Variants in SLC17A9 observed in about 807,000 individuals in gnomAD.
SLC17A9 encodes voltage-gated purine nucleotide uniporter SLC17A9.
Under a neutral mutation model 55.0 loss-of-function variants are expected in SLC17A9, and 49 were observed. The ratio of observed to expected loss-of-function variants is 0.89; its 90% CI spans 0.71 to 1.13. SLC17A9 has a LOEUF of 1.13. Ranked by LOEUF, SLC17A9 falls within the 50% of genes most tolerant of loss-of-function variation. The pLI, the probability that SLC17A9 is intolerant of heterozygous loss-of-function variation, is 0.00. For synonymous variants in SLC17A9, 256 were observed against 247.4 expected, an observed-to-expected ratio of 1.03 and a Z score of -0.32; for missense variants, 526 against 569.3, an observed-to-expected ratio of 0.92 and a Z score of 0.77.
rs1436379008 is a variant in SLC17A9, at chr20:62,969,018, A to C, written c.*1518A>C. The C allele has an allele frequency of 6.6e-6, 1 of 152,170 alleles. No homozygotes were observed. The highest frequency in any genetic ancestry group is 2.4e-5 in the African/African-American group (1 of 41,422). 9.4% of individuals were successfully genotyped at this position (152,170 alleles called of 1,614,324 possible). On this transcript the variant is annotated 3_prime_UTR_variant, in exon 13 of 13. Coordinates refer to ENST00000370351, the MANE Select transcript of SLC17A9 (RefSeq NM_022082.4). Reference sequence around the variant, plus strand: ...GGGTACAGCCTAGAGCATCACCCCCACAGAGGCTTCGGGACGGTCCTGCTG... The same window carrying C: ...GGGTACAGCCTAGAGCATCACCCCCCCAGAGGCTTCGGGACGGTCCTGCTG...
At chr20:62,961,400 G>A (rs1038488576) in intron 4 of SLC17A9, among the ~76,000 whole-genome samples, 6 of 150,528 alleles carry the variant, frequency 4.0e-5, no homozygotes, top group African/African-American at 1.5e-4. Context: ...TCCACGATGC[G>A]GCAACCCCGT....
At chr20:62,966,853 A>G in intron 12 of SLC17A9, 121 bp downstream of exon 12, 1 of 1,285,730 alleles carries the variant, frequency 7.8e-7, no homozygotes. Context: ...AGGAGGGCAC[A>G]GACCCCAGAG....
chr20:62,956,409 G>A (rs2065537190), intron 1 of SLC17A9, among the ~76,000 whole-genome samples: 1 of 152,068 alleles, frequency 6.6e-6, no homozygotes, highest in Non-Finnish European at 1.5e-5. Context: ...TCCAGTGTCC[G>A]ACTCCTCTGC....
At chr20:62,966,920 G>A (rs1056615475) in intron 12 of SLC17A9, 188 bp downstream of exon 12, 3 of 686,680 alleles carry the variant, frequency 4.4e-6, no homozygotes, top group Non-Finnish European at 7.0e-6. Context: ...CTTTGCTGAC[G>A]GCAGGTGGCT....
rs1375074702 is a variant in SLC17A9, at chr20:62,968,404, C to T, written c.*904C>T. 6.6e-6 allele frequency: 1 copy of T among 152,260 alleles called. No individual in the cohort carries two copies. The highest frequency in any genetic ancestry group is 1.5e-5 in the Non-Finnish European group (1 of 68,060). The allele number at this position is 152,260 out of a possible 1,614,324, so 9.4% of individuals were successfully genotyped here. Reference sequence around the variant, plus strand: ...TGGCACCTTCCTCGGGGGCGGGCCCCACGCACCCCAGAACACACAGACCCA... The same window carrying T: ...TGGCACCTTCCTCGGGGGCGGGCCCTACGCACCCCAGAACACACAGACCCA... On this transcript the variant is annotated 3_prime_UTR_variant, in exon 13 of 13. Transcript: ENST00000370351.
Position 62,958,843 on chromosome 20 carries a change from G to A in SLC17A9, c.397+1263G>A, listed in dbSNP as rs1378683465. Among the ~76,000 whole-genome samples the A allele has an allele frequency of 2.0e-5, 3 of 152,156 alleles. No homozygotes were observed. Among genetic ancestry groups the A allele is most frequent in the African/African-American group, 7.2e-5 (3 of 41,438 alleles). On this transcript the variant is annotated intron_variant, in intron 3 of 12. Coordinates refer to ENST00000370351, the MANE Select transcript of SLC17A9 (RefSeq NM_022082.4). This position sits in a 1 kb window ranked among gnomAD's most constrained non-coding sequence, Gnocchi z 4.1. ...GCCCAGGAGAGAGGCCACTCTCATG[G>A]TCACGGGGTGTCACATGAGAACAAG...
In SLC17A9 at chr20:62,960,580, C is replaced by G. The variant is rs2065580980; in HGVS notation, c.474C>G (p.Ile158Met). The change falls in exon 4 of 13, where the codon ATC becomes ATG. Residue 158 changes from isoleucine to methionine, a missense_variant. Ile to Met is a conservative substitution (Grantham distance 10). Transcript: ENST00000370351. ...RESERAFTYS[I>M]VGAGSQFGTL... ...GTGAGCGAGCCTTCACCTACAGCAT[C>G]GTGGGCGCCGGCTCCCAGTTTGGGT... 1 of 1,612,792 alleles carries G rather than the reference C, an allele frequency of 6.2e-7. No individual in the cohort carries two copies. Among genetic ancestry groups the G allele is most frequent in the Non-Finnish European group, 8.5e-7 (1 of 1,179,908 alleles).
rs1240700134 is a variant in SLC17A9, at chr20:62,967,717, C to T, written c.*217C>T. 1.1e-5 allele frequency: 6 copies of T among 527,924 alleles called. No homozygotes were observed. Among genetic ancestry groups the T allele is most frequent in the Non-Finnish European group, 1.7e-5 (5 of 302,150 alleles). The allele number at this position is 527,924 out of a possible 1,614,324, so 32.7% of individuals were successfully genotyped here. A position where few individuals can be genotyped will look rare whatever the true frequency, so the allele number is the denominator to read the frequency against. ...ACCAGGCTCGCTGCTCTCTGGGCCT[C>T]AGTTTCCCCACCTGCCAGCGGGCTC... On this transcript the variant is annotated 3_prime_UTR_variant, in exon 13 of 13. Transcript: ENST00000370351.
intron 10 of SLC17A9, 95 bp downstream of exon 10, chr20:62,965,820 T>A: frequency 8.4e-7 from 1 of 1,193,232 alleles, no homozygotes; most frequent in Non-Finnish European, 1.2e-6. Flanking sequence ...CCTCTCTCAG[T>A]CTCTTCCTCA....
chr20:62,955,308 T>C (rs1442799075), intron 1 of SLC17A9, among the ~76,000 whole-genome samples: 9 of 151,670 alleles, frequency 5.9e-5, no homozygotes, highest in Admixed American at 4.6e-4. Context: ...CCACTACGCC[T>C]GGCTAATTTT....
Position 62,956,810 on chromosome 20 carries a change from C to T in SLC17A9, c.105C>T (p.Cys35=), listed in dbSNP as rs1244580256. ...CGGGGACGCTGCTGCTGGGCACATGCCTTCTGTACTGCGCCCGCTCCAGCA... is the reference window on the plus strand; with the variant it reads ...CGGGGACGCTGCTGCTGGGCACATGTCTTCTGTACTGCGCCCGCTCCAGCA... ...AWTGTLLLGT[C]LLYCARSSMP... is the part of the protein sequence containing the mutation. Residue 35 remains cysteine, a synonymous_variant, in exon 2 of 13, where the codon TGC becomes TGT. Coordinates refer to ENST00000370351, the MANE Select transcript of SLC17A9 (RefSeq NM_022082.4). 1 of 1,612,924 alleles carries T rather than the reference C, an allele frequency of 6.2e-7. No individual in the cohort carries two copies. Among genetic ancestry groups the T allele is most frequent in the East Asian group, 2.2e-5 (1 of 44,876 alleles).
chr20:62,965,121 TC>T lies in SLC17A9; in HGVS notation c.911-6del. On this transcript the variant is annotated splice_polypyrimidine_tract_variant and intron_variant, in intron 8 of 12. Coordinates refer to ENST00000370351, the MANE Select transcript of SLC17A9 (RefSeq NM_022082.4). ...GCTAACGGGAGCCCCTTCCTTGGCC[TC>T]CCCCTGTAGGTTACAGAGCCATCAC... 1 of 1,613,960 alleles carries T rather than the reference TC, an allele frequency of 6.2e-7. No individual in the cohort carries two copies. The highest frequency in any genetic ancestry group is 8.5e-7 in the Non-Finnish European group (1 of 1,179,978).
chr20:62,957,020 A>C, intron 2 of SLC17A9, 58 bp downstream of exon 2: 2 of 1,606,290 alleles, frequency 1.2e-6, no homozygotes, highest in South Asian at 2.2e-5. Context: ...TGGGGCCTCC[A>C]GGGGCGAGTG....
rs932474126 is a variant in SLC17A9 at position 62,965,782 on chromosome 20, C to T, written c.1061+57C>T. ...CCGTGCTGCCCGCACGGCCGAGGCC[C>T]GCACATGTGAAGAGGGAGCTCTGTC... On this transcript the variant is annotated intron_variant, in intron 10 of 12. Coordinates refer to ENST00000370351, the MANE Select transcript of SLC17A9 (RefSeq NM_022082.4). 27 of 1,513,238 alleles carry T rather than the reference C, an allele frequency of 1.8e-5. No homozygotes were observed. The Middle Eastern group carries it at 5.4e-4, about 30-fold the overall frequency. 93.7% of individuals were successfully genotyped at this position (1,513,238 alleles called of 1,614,324 possible). A position where few individuals can be genotyped will look rare whatever the true frequency, so the allele number is the denominator to read the frequency against.
At chr20:62,953,457 T>G (rs1393977918) in intron 1 of SLC17A9, among the ~76,000 whole-genome samples, 1 of 152,182 alleles carries the variant, frequency 6.6e-6, no homozygotes, top group East Asian at 1.9e-4. Flanking sequence ...GGAGGCTCCC[T>G]GGGCAGGTGA....
chr20:62,966,975 G>A (rs896665616), intron 12 of SLC17A9: 9 of 588,360 alleles, frequency 1.5e-5, no homozygotes, highest in African/African-American at 7.5e-5. Context: ...TTCCCATCCT[G>A]GTAGCCCAGG....
chr20:62,960,036 T>C (rs2065575818), intron 3 of SLC17A9, among the ~76,000 whole-genome samples: 1 of 152,374 alleles, frequency 6.6e-6, no homozygotes, highest in East Asian at 1.9e-4. Context: ...TATGTGTCTG[T>C]GCACGCATGC....
At chr20:62,960,295 C>T (rs1244876896) in intron 3 of SLC17A9, among the ~76,000 whole-genome samples, 5 of 152,210 alleles carry the variant, frequency 3.3e-5, no homozygotes, top group African/African-American at 9.6e-5. Context: ...CTCAGCCGTG[C>T]GGGTGGCACG....
At chr20:62,953,147 C>G (rs1241722731) in intron 1 of SLC17A9, 2 of 1,520,388 alleles carry the variant, frequency 1.3e-6, no homozygotes, top group Non-Finnish European at 1.8e-6. Flanking sequence ...CTCTTCCAGG[C>G]AGGGCTATGT....
Sources: gnomAD v4.1 joint callset for allele counts (sites outside exome capture counted in the v4.1 genomes callset) on GRCh38, gnomAD v4.1.1 for gene constraint, Gnocchi (gnomAD v3.1) non-coding constraint, MANE v1.5 for transcripts, NCBI Gene and HGNC (gene_info 2026-07-23, HGNC 2026-07-21) for gene names.